HMBOX1: variants seen among roughly 807,000 people sequenced by gnomAD.
HMBOX1 encodes homeobox-containing protein 1.
HMBOX1 carries 14 observed loss-of-function variants against 54.5 expected under a neutral mutation model. The observed-to-expected ratio is 0.26, with a 90% CI of 0.17 to 0.40. The LOEUF (loss-of-function observed/expected upper bound fraction) is 0.40. HMBOX1 is among the 10% of genes least tolerant of loss of function. HMBOX1 has a pLI of 1.00. For missense variants in HMBOX1, 332 were observed against 514.4 expected (o/e 0.65, Z 3.43); for synonymous variants, 160 against 181.0 (o/e 0.88, Z 0.93).
At chr8:28,922,951 G>A (rs1817797683) in intron 1 of HMBOX1, among the ~76,000 whole-genome samples, 1 of 152,158 alleles carries the variant, frequency 6.6e-6, no homozygotes, top group Non-Finnish European at 1.5e-5. Context: ...CCTACAGGTA[G>A]ATGGGCATTA....
chr8:28,983,880 C>G (rs1158346806), intron 4 of HMBOX1, among the ~76,000 whole-genome samples: 1 of 152,134 alleles, frequency 6.6e-6, no homozygotes, highest in African/African-American at 2.4e-5. Context: ...GATTGATAAC[C>G]ATATTGGTTC....
intron 1 of HMBOX1, among the ~76,000 whole-genome samples, chr8:28,961,813 C>G (rs1365074453): frequency 4.0e-5 from 6 of 151,794 alleles, no homozygotes; most frequent in African/African-American, 1.5e-4. Context: ...TACAAGGATT[C>G]CATTTTCTCC....
At chr8:29,026,151 G>GCAT (rs1343398700) in intron 6 of HMBOX1, among the ~76,000 whole-genome samples, 1 of 151,862 alleles carries the variant, frequency 6.6e-6, no homozygotes, top group Non-Finnish European at 1.5e-5. Context: ...GTGTCTTGGT[G>GCAT]CATCATTCAT....
intron 4 of HMBOX1, among the ~76,000 whole-genome samples, chr8:28,993,303 T>C (rs1241261372): frequency 6.6e-6 from 1 of 152,216 alleles, no homozygotes; most frequent in Non-Finnish European, 1.5e-5. Flanking sequence ...CTTTAAGATA[T>C]ACATACTCTT....
Position 28,970,680 on chromosome 8 carries a change from A to T in HMBOX1, c.500+161A>T, listed in dbSNP as rs1287929661. On this transcript the variant is annotated intron_variant, in intron 3 of 9. Transcript: ENST00000287701. This position sits in a 1 kb window ranked among gnomAD's most constrained non-coding sequence, Gnocchi z 4.3. ...TCCCACCTTTGGAGATGAAAGAAAG[A>T]AAGTTCAAGCTTTATGTTTTTAATT... The T allele has an allele frequency of 3.8e-6, 2 of 529,784 alleles. No individual in the cohort carries two copies. Among genetic ancestry groups the T allele is most frequent in the African/African-American group, 1.9e-5 (1 of 52,576 alleles). 32.8% of individuals were successfully genotyped at this position (529,784 alleles called of 1,614,324 possible). A position where few individuals can be genotyped will look rare whatever the true frequency, so the allele number is the denominator to read the frequency against.
At chr8:28,991,057 A>G (rs979266643) in intron 4 of HMBOX1, among the ~76,000 whole-genome samples, 1 of 152,184 alleles carries the variant, frequency 6.6e-6, no homozygotes, top group African/African-American at 2.4e-5. Context: ...TTCTGGAAGC[A>G]TTTGTGTAGA....
intron 1 of HMBOX1, among the ~76,000 whole-genome samples, chr8:28,918,482 C>T (rs922792490): frequency 6.6e-5 from 10 of 151,596 alleles, no homozygotes; most frequent in Non-Finnish European, 1.3e-4. Flanking sequence ...GGATTACAGG[C>T]GTGAGCCACC....
rs34488854 is a variant in HMBOX1 at position 28,992,869 on chromosome 8, CAAA to C, written c.586+12736_586+12738del. ...TGGGTGACAGTGCGAGACTCTGTCT[CAAA>C]AAAAAAAAAAAAAAAAAAAAAAGGA... On this transcript the variant is annotated intron_variant, in intron 4 of 9. Coordinates refer to ENST00000287701, the MANE Select transcript of HMBOX1 (RefSeq NM_001135726.3). 6.5e-3 allele frequency among the ~76,000 whole-genome samples: 369 copies of C among 57,202 alleles called. 2 individuals carry two copies. Among genetic ancestry groups the C allele is most frequent in the African/African-American group, 0.025 (330 of 13,120 alleles). 37.5% of individuals were successfully genotyped at this position (57,202 alleles called of 152,430 possible). A position where few individuals can be genotyped will look rare whatever the true frequency, so the allele number is the denominator to read the frequency against.
At chr8:28,898,647 C>T (rs888889423) in intron 1 of HMBOX1, among the ~76,000 whole-genome samples, 2 of 152,184 alleles carry the variant, frequency 1.3e-5, no homozygotes, top group Non-Finnish European at 2.9e-5. Flanking sequence ...TCTCACTTCT[C>T]CCTTCCAGTT....
intron 3 of HMBOX1, among the ~76,000 whole-genome samples, chr8:28,974,034 A>T (rs6980738): frequency 6.6e-6 from 1 of 151,538 alleles, no homozygotes; most frequent in Non-Finnish European, 1.5e-5. Context: ...GGCTGGTCTC[A>T]AACTCCTGGC....
intron 1 of HMBOX1, among the ~76,000 whole-genome samples, chr8:28,906,067 G>A (rs990063357): frequency 1.2e-4 from 18 of 152,130 alleles, no homozygotes; most frequent in South Asian, 4.1e-4. Context: ...ATTAATCAGA[G>A]AGGTCCAGAA....
intron 1 of HMBOX1, among the ~76,000 whole-genome samples, chr8:28,931,825 GCT>G (rs1819523799): frequency 6.6e-6 from 1 of 152,176 alleles, no homozygotes; most frequent in Non-Finnish European, 1.5e-5. Context: ...ACAGGCGTGA[GCT>G]ACTGCACCCA....
intron 5 of HMBOX1, among the ~76,000 whole-genome samples, chr8:29,017,627 G>A (rs1015978164): frequency 2.0e-5 from 3 of 152,332 alleles, no homozygotes; most frequent in African/African-American, 7.2e-5. Context: ...GAGCTGAGTG[G>A]TTTGAAGAGT....
intron 1 of HMBOX1, among the ~76,000 whole-genome samples, chr8:28,913,858 T>C (rs1815976116): frequency 7.9e-6 from 1 of 127,166 alleles, no homozygotes; most frequent in South Asian, 3.6e-4. Flanking sequence ...AGTGATTCTT[T>C]TTTTTTTTTT....
intron 1 of HMBOX1, among the ~76,000 whole-genome samples, chr8:28,900,678 C>G (rs1813083821): frequency 6.6e-6 from 1 of 152,104 alleles, no homozygotes; most frequent in Admixed American, 6.6e-5. Context: ...AGCTCATTTT[C>G]TTAAACTCTG....
chr8:29,040,111 A>C (rs1207742984), intron 6 of HMBOX1, among the ~76,000 whole-genome samples: 1 of 152,218 alleles, frequency 6.6e-6, no homozygotes, highest in Non-Finnish European at 1.5e-5. Flanking sequence ...AGATCAGCCC[A>C]GTCCACAGAG....
chr8:28,947,889 C>T lies in HMBOX1; in HGVS notation c.-57-15922C>T, dbSNP rs117674452. ...GAGATCTTGATCTTGAATGCTTTGT[C>T]CCTTATATCTACATGGCTTGCTGCC... On this transcript the variant is annotated intron_variant, in intron 1 of 9. Coordinates refer to ENST00000287701, the MANE Select transcript of HMBOX1 (RefSeq NM_001135726.3). Among the ~76,000 whole-genome samples the T allele has an allele frequency of 2.0e-5, 3 of 152,052 alleles. No homozygotes were observed. The East Asian group carries it at 5.8e-4, about 29-fold the overall frequency.
At chr8:29,048,386 A>T (rs1248681731) in intron 8 of HMBOX1, 2 of 152,236 alleles carry the variant, frequency 1.3e-5, no homozygotes, top group South Asian at 2.1e-4. Context: ...CTACGAATAC[A>T]ACTGAAAAAG....
chr8:29,043,345 C>T (rs1805117559), intron 6 of HMBOX1, among the ~76,000 whole-genome samples: 1 of 152,264 alleles, frequency 6.6e-6, no homozygotes, highest in Admixed American at 6.5e-5. Flanking sequence ...CTAGACCTAA[C>T]TCAGATGGCA....
Sources: gnomAD v4.1 joint callset for allele counts (sites outside exome capture counted in the v4.1 genomes callset) on GRCh38, gnomAD v4.1.1 for gene constraint, Gnocchi (gnomAD v3.1) non-coding constraint, MANE v1.5 for transcripts, NCBI Gene and HGNC (gene_info 2026-07-23, HGNC 2026-07-21) for gene names.